PAH: variants seen among roughly 807,000 people sequenced by gnomAD.
The protein encoded by PAH is phenylalanine-4-hydroxylase.
In PAH, 64 loss-of-function variants were observed where a neutral mutation model predicts 62.0. The observed-to-expected ratio is 1.03, with a 90% CI of 0.84 to 1.27. The LOEUF is 1.27. PAH is among the 50% of genes most tolerant of loss of function. PAH has a pLI of 0.00. For missense variants in PAH, 579 were observed against 542.8 expected (o/e 1.07, Z -0.66); for synonymous variants, 195 against 196.2 (o/e 0.99, Z 0.05).
chr12:102,925,279 A>G (rs764668434), intron 1 of PAH, among the ~76,000 whole-genome samples: 1 of 152,152 alleles, frequency 6.6e-6, no homozygotes, highest in Admixed American at 6.6e-5. Flanking sequence ...GAGCAGGAGC[A>G]GCCATATTGC....
At chr12:102,888,248 T>A (rs1026455417) in intron 3 of PAH, among the ~76,000 whole-genome samples, 18 of 152,034 alleles carry the variant, frequency 1.2e-4, no homozygotes, top group African/African-American at 4.3e-4. Flanking sequence ...AATTGAGGCC[T>A]AAAGAGGGAA....
intron 4 of PAH, among the ~76,000 whole-genome samples, chr12:102,868,950 A>G (rs1267398362): frequency 2.0e-5 from 3 of 152,190 alleles, no homozygotes; most frequent in African/African-American, 4.8e-5. Context: ...AGAAAGGTCC[A>G]TTTCTATATT....
intron 3 of PAH, among the ~76,000 whole-genome samples, chr12:102,888,010 G>A (rs1419964950): frequency 1.3e-5 from 2 of 152,162 alleles, no homozygotes; most frequent in African/African-American, 4.8e-5. Context: ...CTTTTGGACT[G>A]ACCCAAATGG....
intron 2 of PAH, among the ~76,000 whole-genome samples, chr12:102,899,751 TG>T (rs1043601305): frequency 7.2e-6 from 1 of 139,122 alleles, no homozygotes; most frequent in African/African-American, 2.7e-5. Context: ...CCCAGCTACT[TG>T]GGAGGCTGAG....
chr12:102,909,498 C>T (rs1878119475), intron 2 of PAH, among the ~76,000 whole-genome samples: 1 of 151,868 alleles, frequency 6.6e-6, no homozygotes, highest in Non-Finnish European at 1.5e-5. Context: ...CATATTTCTC[C>T]ACTGTAAAGA....
chr12:102,886,889 G>T (rs1877063927), intron 3 of PAH, among the ~76,000 whole-genome samples: 1 of 152,080 alleles, frequency 6.6e-6, no homozygotes, highest in Non-Finnish European at 1.5e-5. Context: ...ATCAATATCG[G>T]TAGCATAAAT....
At chr12:102,844,955 A>G (rs1874770922) in intron 9 of PAH, among the ~76,000 whole-genome samples, 1 of 152,124 alleles carries the variant, frequency 6.6e-6, no homozygotes, top group Non-Finnish European at 1.5e-5. Context: ...TAACTGTGTA[A>G]GCCAATTCCC....
At chr12:102,900,292 G>A (rs532935755) in intron 2 of PAH, among the ~76,000 whole-genome samples, 3 of 152,028 alleles carry the variant, frequency 2.0e-5, no homozygotes, top group African/African-American at 4.8e-5. Context: ...TTCGTGATCC[G>A]CCTGCCTCAG....
At chr12:102,946,083 G>C (rs1370150830) in intron 1 of PAH, 1 of 152,240 alleles carries the variant, frequency 6.6e-6, no homozygotes, top group Non-Finnish European at 1.5e-5. Context: ...AGGGACCTCA[G>C]GACTCTGCCC....
At chr12:102,953,090 C>T (rs531917767), upstream of PAH, among the ~76,000 whole-genome samples, 1 of 152,108 alleles carries the variant, frequency 6.6e-6, no homozygotes, top group African/African-American at 2.4e-5. Context: ...GGACAGAGGC[C>T]CTGTATTAAT....
At chr12:102,873,406 T>C (rs917292364) in intron 4 of PAH, among the ~76,000 whole-genome samples, 1 of 152,156 alleles carries the variant, frequency 6.6e-6, no homozygotes, top group African/African-American at 2.4e-5. Flanking sequence ...GGTACAGCCA[T>C]TGGTGGAAGG....
rs1032099578 is a variant in PAH, at chr12:102,837,580, CCT to C, written c.*1593_*1594del. 3.3e-5 allele frequency: 5 copies of C among 152,184 alleles called. No individual in the cohort carries two copies. The highest frequency in any genetic ancestry group is 3.3e-4 in the Admixed American group (5 of 15,254). The allele number at this position is 152,184 out of a possible 1,614,324, so 9.4% of individuals were successfully genotyped here. On this transcript the variant is annotated 3_prime_UTR_variant, in exon 13 of 13. Coordinates refer to ENST00000553106, the MANE Select transcript of PAH (RefSeq NM_000277.3). ...AAACTTCAGACACATTCAGTAAATT[CCT>C]CTTTCCTCCCAGCTGGCATATATAA...
chr12:102,877,238 C>T (rs1378506820), intron 4 of PAH: 1 of 590,886 alleles, frequency 1.7e-6, no homozygotes, highest in Non-Finnish European at 3.1e-6. Flanking sequence ...ACAATAGTTT[C>T]TGGACAGTGA....
At chr12:102,856,823 C>A (rs1358339784) in intron 5 of PAH, among the ~76,000 whole-genome samples, 2 of 152,212 alleles carry the variant, frequency 1.3e-5, no homozygotes, top group Non-Finnish European at 2.9e-5. Context: ...CACACCAAAA[C>A]CCCATCTGTG....
At chr12:102,859,055 C>T (rs965214298) in intron 5 of PAH, among the ~76,000 whole-genome samples, 23 of 151,214 alleles carry the variant, frequency 1.5e-4, no homozygotes, top group African/African-American at 5.6e-4. Context: ...TTGAAAAGAT[C>T]GACAAAATTG....
chr12:102,909,351 C>T (rs757117148), intron 2 of PAH, among the ~76,000 whole-genome samples: 2 of 152,090 alleles, frequency 1.3e-5, no homozygotes, highest in African/African-American at 4.8e-5. Context: ...ACCAAGAATG[C>T]ATACCATCAA....
intron 2 of PAH, among the ~76,000 whole-genome samples, chr12:102,902,585 TG>T (rs1877805785): frequency 1.3e-5 from 2 of 152,296 alleles, no homozygotes; most frequent in South Asian, 4.1e-4. Flanking sequence ...TTTCCTCTTC[TG>T]GGAGGGCCAG....
intron 1 of PAH, among the ~76,000 whole-genome samples, chr12:102,947,827 A>C (rs1879565188): frequency 6.6e-6 from 1 of 152,228 alleles, no homozygotes; most frequent in Non-Finnish European, 1.5e-5. Context: ...GTGGTTATGG[A>C]GGCTGAGTCC....
intron 5 of PAH, 31 bp downstream of exon 5, chr12:102,866,565 C>G: frequency 6.3e-7 from 1 of 1,583,552 alleles, no homozygotes; most frequent in Non-Finnish European, 8.7e-7. Context: ...GTGTTTTTCT[C>G]TCTTCCCCTC....
Sources: gnomAD v4.1 joint callset for allele counts (sites outside exome capture counted in the v4.1 genomes callset) on GRCh38, gnomAD v4.1.1 for gene constraint, MANE v1.5 for transcripts, NCBI Gene and HGNC (gene_info 2026-07-23, HGNC 2026-07-21) for gene names.